Variants in SETX observed in about 807,000 individuals in gnomAD.
The protein encoded by SETX is senataxin.
SETX carries 90 observed loss-of-function variants against 227.2 expected under a neutral mutation model. That is an observed-to-expected ratio of 0.40 (90% confidence interval 0.33 to 0.47). The LOEUF (loss-of-function observed/expected upper bound fraction) is 0.47. Ranked by LOEUF, SETX falls within the 20% of genes least tolerant of loss-of-function variation. The probability of loss-of-function intolerance (pLI) is 0.91; values close to 1 mark genes in which losing one functional copy is unlikely to be tolerated. For missense variants in SETX, 3,052 were observed against 3,181.5 expected, an observed-to-expected ratio of 0.96 and a Z score of 0.98; for synonymous variants, 1,210 against 1,113.2, an observed-to-expected ratio of 1.09 and a Z score of -1.73.
Position 132,311,770 on chromosome 9 carries a change from G to A in SETX, c.5361C>T (p.Tyr1787=), listed in dbSNP as rs777886975. ...VRKFPADYIK[Y]WEFAVYLEEC... The stretch of plus-strand genomic sequence containing the variant: ...GAAAAAACTTACCTGCAAACTCCCA[G>A]TATTTTATATAATCGGCAGGAAATT... The change falls in exon 11 of 26, where the codon TAC becomes TAT. Residue 1787 remains tyrosine, a synonymous_variant. Transcript: ENST00000224140. 2.5e-5 allele frequency: 40 copies of A among 1,611,432 alleles called. No individual in the cohort carries two copies. The highest frequency in any genetic ancestry group is 3.3e-5 in the Non-Finnish European group (39 of 1,178,136).
intron 22 of SETX, among the ~76,000 whole-genome samples, 181 bp from the exon 23 acceptor site, chr9:132,275,601 T>C (rs1334747654): frequency 6.6e-6 from 1 of 152,202 alleles, no homozygotes; most frequent in African/African-American, 2.4e-5. Context: ...ATGGTATATA[T>C]GAATAAATGT....
At position 132,286,403 on chromosome 9, in the gene SETX, G is replaced by A. The variant is rs1338789718; in HGVS notation, c.6396+20C>T. The A allele has an allele frequency of 6.5e-7, 1 of 1,543,788 alleles. No individual in the cohort carries two copies. The highest frequency in any genetic ancestry group is 8.8e-7 in the Non-Finnish European group (1 of 1,130,678). On this transcript the variant is annotated intron_variant, in intron 18 of 25. Coordinates refer to ENST00000224140, the MANE Select transcript of SETX (RefSeq NM_015046.7). ...AGAAAAAAAAAAAAATCAAGAAAATGCTACAGGTGAACTACTTACCTCTTT... is the reference window on the plus strand; with the variant it reads ...AGAAAAAAAAAAAAATCAAGAAAATACTACAGGTGAACTACTTACCTCTTT...
At chr9:132,344,614 C>T (rs1030645644) in intron 4 of SETX, among the ~76,000 whole-genome samples, 1 of 152,174 alleles carries the variant, frequency 6.6e-6, no homozygotes, top group Non-Finnish European at 1.5e-5. Flanking sequence ...CTGGCTTACA[C>T]CTGTAATCTC....
At chr9:132,298,381 T>A in intron 12 of SETX, 69 bp from the exon 13 acceptor site, 3 of 1,244,018 alleles carry the variant, frequency 2.4e-6, no homozygotes, top group Non-Finnish European at 3.5e-6. Context: ...GTAAAGGTCA[T>A]GCAGAATTAG....
At position 132,277,086 on chromosome 9, in the gene SETX, T is replaced by C. The variant is rs1843205567; in HGVS notation, c.6909A>G (p.Gly2303=). The part of the protein sequence containing the change: ...PFQPYLVFDV[G]DGSERRDNDS... ...CATTATCCCGTCTTTCTGAACCATC[T>C]CCAACATCAAACACAAGGTATGGCT... The change falls in exon 22 of 26, where the codon GGA becomes GGG. Residue 2303 remains glycine, a synonymous_variant. Coordinates refer to ENST00000224140, the MANE Select transcript of SETX (RefSeq NM_015046.7). 2.5e-6 allele frequency: 4 copies of C among 1,613,598 alleles called. No homozygotes were observed. Among genetic ancestry groups the C allele is most frequent in the South Asian group, 1.1e-5 (1 of 91,078 alleles).
At chr9:132,336,598 T>A in intron 5 of SETX, 83 bp from the exon 6 acceptor site, 2 of 1,006,452 alleles carry the variant, frequency 2.0e-6, no homozygotes, top group Non-Finnish European at 1.6e-6. Context: ...AACAGGATTC[T>A]CTGCATATTT....
In SETX at chr9:132,346,415, C is replaced by T. The variant is rs146206138; in HGVS notation, c.234G>A (p.Lys78=). Residue 78 remains lysine, a synonymous_variant, in exon 4 of 26, where the codon AAG becomes AAA. Transcript: ENST00000224140. ...ACTCATCATCATCTCCAATTTCTGC[C>T]TTCATGGATTTTTCAAAGTGATTTA... The part of the protein sequence containing the change: ...RLINHFEKSM[K]AEIGDDDELY... The T allele has an allele frequency of 1.1e-4, 173 of 1,613,736 alleles. No homozygotes were observed. Among genetic ancestry groups the T allele is most frequent in the Non-Finnish European group, 1.3e-4 (151 of 1,179,874 alleles).
chr9:132,354,063 T>A lies in SETX; in HGVS notation c.-114-308A>T, dbSNP rs555943814. 3.9e-5 allele frequency among the ~76,000 whole-genome samples: 6 copies of A among 152,268 alleles called. No homozygotes were observed. In the East Asian group the frequency reaches 1.2e-3, roughly 29 times the overall value. ...CTGTGTCACTTATCAAATACCACAC[T>A]CGGCCTTCTCCTTGTGGAGCTCTTT... On this transcript the variant is annotated intron_variant, in intron 1 of 25. Transcript: ENST00000224140.
rs767633383 is a variant in SETX at position 132,327,911 on chromosome 9, A to G, written c.3687T>C (p.Cys1229=). ...SQKKSSKLCT[C]TEPIRKVPVS... is the part of the protein sequence containing the mutation. ...CTGGAACTTTCCTGATGGGTTCTGT[A>G]CAAGTACAAAGCTTTGAAGACTTCT... Residue 1229 remains cysteine, a synonymous_variant, in exon 10 of 26, where the codon TGT becomes TGC. Transcript: ENST00000224140. 2.5e-6 allele frequency: 4 copies of G among 1,614,188 alleles called. No homozygotes were observed. The highest frequency in any genetic ancestry group is 3.4e-6 in the Non-Finnish European group (4 of 1,180,018).
At chr9:132,292,358 G>A (rs1412521253) in intron 15 of SETX, among the ~76,000 whole-genome samples, 2 of 149,638 alleles carry the variant, frequency 1.3e-5, no homozygotes, top group East Asian at 2.0e-4. Flanking sequence ...GAGCCCAGGA[G>A]GGCAAGGCTG....
chr9:132,326,217 C>A (rs1021561780), intron 10 of SETX, 107 bp downstream of exon 10: 11 of 894,790 alleles, frequency 1.2e-5, no homozygotes, highest in Non-Finnish European at 1.9e-5. Flanking sequence ...CAGGTGCCCG[C>A]AACCACGCCT....
At chr9:132,274,497 A>AG (rs1843058756) in intron 23 of SETX, among the ~76,000 whole-genome samples, 1 of 146,860 alleles carries the variant, frequency 6.8e-6, no homozygotes, top group Admixed American at 6.9e-5. Context: ...GGAGTGATGC[A>AG]GTGGGGCAAT....
chr9:132,298,739 G>A (rs1844820396), intron 12 of SETX, among the ~76,000 whole-genome samples: 1 of 152,110 alleles, frequency 6.6e-6, no homozygotes, highest in Admixed American at 6.6e-5. Flanking sequence ...GATGTGCCAG[G>A]AATATTTTAG....
Position 132,326,966 on chromosome 9 carries a change from CAA to C in SETX, c.4630_4631del (p.Leu1544GlufsTer6), listed in dbSNP as rs1356107030. The C allele has an allele frequency of 6.2e-7, 1 of 1,614,048 alleles. No individual in the cohort carries two copies. Among genetic ancestry groups the C allele is most frequent in the African/African-American group, 1.3e-5 (1 of 74,928 alleles). Reference protein sequence around the residue: ...DSVSRPQLESLSGTKCKYKDC... With the variant: ...DSVSRPQLESXSGTKCKYKDC... ...CTTTGTACTTACACTTTGTGCCACT[CAA>C]AGATTCCAACTGAGGCCGACTTACA... On this transcript the variant is annotated frameshift_variant, in exon 10 of 26. Coordinates refer to ENST00000224140, the MANE Select transcript of SETX (RefSeq NM_015046.7). LOFTEE classifies it high-confidence loss of function.
chr9:132,281,738 C>T lies in SETX; in HGVS notation c.6547-164G>A, dbSNP rs12336849. Among the ~76,000 whole-genome samples, 2,290 of 151,898 alleles carry T rather than the reference C, an allele frequency of 0.015. 62 individuals are homozygous for T. The highest frequency in any genetic ancestry group is 0.053 in the African/African-American group (2,178 of 41,462). On this transcript the variant is annotated intron_variant, in intron 19 of 25. Coordinates refer to ENST00000224140, the MANE Select transcript of SETX (RefSeq NM_015046.7). ...TGAAAACAAAAAAACAAAACAAAAC[C>T]AACAAAATAAACCCTCCAGGCTGTG... is the stretch of plus-strand genomic sequence containing the variant.
chr9:132,303,920 G>A (rs142329049), intron 11 of SETX, among the ~76,000 whole-genome samples: 24 of 152,248 alleles, frequency 1.6e-4, no homozygotes, highest in African/African-American at 3.9e-4. Context: ...TCAGAAGTTC[G>A]AGACCAGCCT....
At chr9:132,278,040 A>G in intron 21 of SETX, 30 bp downstream of exon 21, 1 of 1,596,338 alleles carries the variant, frequency 6.3e-7, no homozygotes, top group Non-Finnish European at 8.6e-7. Context: ...CTACAACAAA[A>G]TAAGGTCACA....
In SETX at chr9:132,292,692, C is replaced by T. The variant is rs954243166; in HGVS notation, c.6106+3180G>A. Among the ~76,000 whole-genome samples the T allele has an allele frequency of 2.1e-4, 31 of 146,606 alleles. 2 individuals are homozygous for T. The highest frequency in any genetic ancestry group is 7.6e-4 in the Admixed American group (11 of 14,556). On this transcript the variant is annotated intron_variant, in intron 15 of 25. Transcript: ENST00000224140. ...TCACCCAGGCTGGAGTGCAGTGGCG[C>T]GATCTCAGCTCACTGCAAGCTCCGC...
chr9:132,281,461 A>G lies in SETX; in HGVS notation c.6654+6T>C. 6.2e-7 allele frequency: 1 copy of G among 1,605,950 alleles called. No homozygotes were observed. Among genetic ancestry groups the G allele is most frequent in the Non-Finnish European group, 8.5e-7 (1 of 1,172,610 alleles). Reference sequence around the variant, plus strand: ...TTTTAAAGCAATCTGAACATAAAAAACTTACCATAGAGATGACTGTCGGAG... The same window carrying G: ...TTTTAAAGCAATCTGAACATAAAAAGCTTACCATAGAGATGACTGTCGGAG... On this transcript the variant is annotated splice_donor_region_variant and intron_variant, in intron 20 of 25. Transcript: ENST00000224140.
Sources: allele counts gnomAD v4.1 joint callset (sites outside exome capture counted in the v4.1 genomes callset), GRCh38; gene constraint gnomAD v4.1.1; transcripts MANE v1.5; gene names NCBI Gene and HGNC (gene_info 2026-07-23, HGNC 2026-07-21).